The following PHLDB1 variants were observed in gnomAD, a reference collection of about 807,000 sequenced individuals.
The protein encoded by PHLDB1 is pleckstrin homology-like domain family B member 1.
Under a neutral mutation model 139.3 loss-of-function variants are expected in PHLDB1, and 65 were observed. That is an observed-to-expected ratio of 0.47 (90% confidence interval 0.38 to 0.57). The LOEUF (loss-of-function observed/expected upper bound fraction) is 0.57. PHLDB1 is among the 20% of genes least tolerant of loss of function. The probability of loss-of-function intolerance (pLI) is 0.00; values close to 1 mark genes in which losing one functional copy is unlikely to be tolerated. For synonymous variants in PHLDB1, 679 were observed against 734.5 expected, an observed-to-expected ratio of 0.92 and a Z score of 1.22; for missense variants, 1,624 against 1,839.7, an observed-to-expected ratio of 0.88 and a Z score of 2.14.
At chr11:118,628,806 T>C (rs143584445) in intron 6 of PHLDB1, among the ~76,000 whole-genome samples, 156 bp downstream of exon 6, 182 of 152,394 alleles carry the variant, frequency 1.2e-3, no homozygotes, top group African/African-American at 4.0e-3. Context: ...CAATATCTTA[T>C]GGTTCTGGTG....
chr11:118,635,973 A>G (rs1945575333), intron 10 of PHLDB1, among the ~76,000 whole-genome samples: 2 of 152,142 alleles, frequency 1.3e-5, no homozygotes, highest in Admixed American at 6.5e-5. Context: ...AAGGGCATTC[A>G]TTTCGGTTCC....
Position 118,627,796 on chromosome 11 carries a change from C to T in PHLDB1, c.973C>T (p.Pro325Ser). The T allele has an allele frequency of 1.9e-6, 3 of 1,605,190 alleles. No homozygotes were observed. The highest frequency in any genetic ancestry group is 2.5e-6 in the Non-Finnish European group (3 of 1,179,584). ...RKGGHERPPS[P>S]GLRGLLTDSP... Reference sequence around the variant, plus strand: ...AGGGGGCCATGAGAGGCCTCCCAGCCCTGGCCTCCGGGGTCTGCTGACAGA... The same window carrying T: ...AGGGGGCCATGAGAGGCCTCCCAGCTCTGGCCTCCGGGGTCTGCTGACAGA... The change falls in exon 6 of 23, where the codon CCT becomes TCT. Residue 325 changes from proline to serine, a missense_variant. Pro to Ser is a moderately conservative substitution (Grantham distance 74, BLOSUM62 -1). Coordinates refer to ENST00000600882, the MANE Select transcript of PHLDB1 (RefSeq NM_001144758.3).
upstream of PHLDB1, chr11:118,606,511 A>C (rs45496391): frequency 0.014 from 2,191 of 152,434 alleles, 30 homozygotes; most frequent in Middle Eastern, 0.048. Context: ...TATCCACCCC[A>C]GCTGGAATTT....
intron 1 of PHLDB1, among the ~76,000 whole-genome samples, chr11:118,609,171 TCA>T (rs1340816546): frequency 1.1e-5 from 1 of 90,754 alleles, no homozygotes; most frequent in East Asian, 3.6e-4. Context: ...AAGCAGCCCG[TCA>T]CACACACAGC....
At position 118,644,508 on chromosome 11, in the gene PHLDB1, G is replaced by T. The variant is rs1177696621; in HGVS notation, c.3121+334G>T. The T allele has an allele frequency of 6.6e-6, 3 of 456,756 alleles. No individual in the cohort carries two copies. In the Admixed American group the frequency reaches 1.1e-4, roughly 16 times the overall value. 28.3% of individuals were successfully genotyped at this position (456,756 alleles called of 1,614,324 possible). A position where few individuals can be genotyped will look rare whatever the true frequency, so the allele number is the denominator to read the frequency against. On this transcript the variant is annotated intron_variant, in intron 15 of 22. Transcript: ENST00000600882. ...ATGACTTCTAGAAATGGTTGCCTGA[G>T]ATATTGGCTCTGGGGACCCAGGAGT...
chr11:118,613,533 C>A, intron 1 of PHLDB1: 1 of 871,440 alleles, frequency 1.1e-6, no homozygotes, highest in Non-Finnish European at 1.5e-6. Context: ...TAGCATAGGG[C>A]AAGAAAGCAC....
rs191680848 is a variant in PHLDB1 at position 118,623,454 on chromosome 11, C to A, written c.356-1480C>A. Among the ~76,000 whole-genome samples, 304 of 152,202 alleles carry A rather than the reference C, an allele frequency of 2.0e-3. 3 individuals carry two copies. The highest frequency in any genetic ancestry group is 6.8e-3 in the Middle Eastern group (2 of 294). ...GCTACATTTTCCAGCTCCCACATGC[C>A]CTCCCCCTCCAGGTACTCACACTTC... On this transcript the variant is annotated intron_variant, in intron 4 of 22. Coordinates refer to ENST00000600882, the MANE Select transcript of PHLDB1 (RefSeq NM_001144758.3).
At chr11:118,646,110 A>C (rs1342607419) in intron 17 of PHLDB1, among the ~76,000 whole-genome samples, 1 of 152,074 alleles carries the variant, frequency 6.6e-6, no homozygotes, top group African/African-American at 2.4e-5. Context: ...AATACAAAAA[A>C]TTAGCTGGGC....
In PHLDB1 at chr11:118,650,437, C is replaced by T. The variant is rs781890162; in HGVS notation, c.3772-8C>T. The T allele has an allele frequency of 1.3e-6, 2 of 1,598,618 alleles. No individual in the cohort carries two copies. Among genetic ancestry groups the T allele is most frequent in the Non-Finnish European group, 1.7e-6 (2 of 1,165,810 alleles). ...TTTGGGTCCTTCCTTACTCCTGCTT[C>T]CTACCAGGTCTGCCGTGGCTACTTG... On this transcript the variant is annotated splice_polypyrimidine_tract_variant and splice_region_variant and intron_variant, in intron 19 of 22. Transcript: ENST00000600882. The surrounding 1 kb of genome is among the most constrained non-coding windows in gnomAD (Gnocchi z 4.7).
Position 118,631,399 on chromosome 11 carries a change from C to A in PHLDB1, c.2020C>A (p.Arg674Ser). Residue 674 changes from arginine to serine, a missense_variant, in exon 7 of 23, where the codon CGC becomes AGC. Arg to Ser is a moderately radical substitution (Grantham distance 110). Coordinates refer to ENST00000600882, the MANE Select transcript of PHLDB1 (RefSeq NM_001144758.3). ...CGAGGAGCCTGGCGTTGCCACCCAACGCCTATGGGAGAGTATGGAGCGCTC... is the reference window on the plus strand; with the variant it reads ...CGAGGAGCCTGGCGTTGCCACCCAAAGCCTATGGGAGAGTATGGAGCGCTC... ...SSEEPGVATQ[R>S]LWESMERSDE... is the part of the protein sequence containing the mutation. 6.7e-7 allele frequency: 1 copy of A among 1,497,326 alleles called. No homozygotes were observed. Among genetic ancestry groups the A allele is most frequent in the Non-Finnish European group, 8.9e-7 (1 of 1,123,798 alleles). The allele number at this position is 1,497,326 out of a possible 1,614,324, so 92.8% of individuals were successfully genotyped here.
Position 118,639,195 on chromosome 11 carries a change from T to C in PHLDB1, c.2680T>C (p.Tyr894His), listed in dbSNP as rs782504405. ...KEKLTVLERR[Y>H]HSLTGGRPFP... ...GAAGCTGACTGTGCTGGAAAGGAGA[T>C]ACCACTCACTCACAGGGGGCAGGCC... Residue 894 changes from tyrosine (Y) to histidine (H), a missense_variant, in exon 12 of 23, where the codon TAC becomes CAC. By Grantham distance (83) the Tyr-to-His change is moderately conservative. Coordinates refer to ENST00000600882, the MANE Select transcript of PHLDB1 (RefSeq NM_001144758.3). The C allele has an allele frequency of 1.2e-6, 2 of 1,614,010 alleles. No homozygotes were observed. Among genetic ancestry groups the C allele is most frequent in the African/African-American group, 2.7e-5 (2 of 74,926 alleles).
At chr11:118,653,630 C>T (rs966475038) in intron 20 of PHLDB1, 4 of 152,176 alleles carry the variant, frequency 2.6e-5, no homozygotes, top group African/African-American at 7.2e-5. Flanking sequence ...CTGTATTTTC[C>T]TCACTGTGAG....
chr11:118,657,125 T>G lies in PHLDB1; in HGVS notation c.*302T>G. ...TTCTAAAAGACAAATTATGGTACCATAAGCTGCCAAAGATCCCCTCCTGCC... is the reference window on the plus strand; with the variant it reads ...TTCTAAAAGACAAATTATGGTACCAGAAGCTGCCAAAGATCCCCTCCTGCC... On this transcript the variant is annotated 3_prime_UTR_variant, in exon 23 of 23. Transcript: ENST00000600882. The G allele has an allele frequency of 4.1e-5, 9 of 219,650 alleles. No individual in the cohort carries two copies. The highest frequency in any genetic ancestry group is 5.5e-5 in the Non-Finnish European group (6 of 109,714). The allele number at this position is 219,650 out of a possible 1,614,324, so 13.6% of individuals were successfully genotyped here. A position where few individuals can be genotyped will look rare whatever the true frequency, so the allele number is the denominator to read the frequency against.
chr11:118,649,987 G>A, intron 18 of PHLDB1, 90 bp from the exon 19 acceptor site: 1 of 925,026 alleles, frequency 1.1e-6, no homozygotes, highest in Non-Finnish European at 1.8e-6. Context: ...ATGTCAGGCT[G>A]TTGGGGTTTA....
chr11:118,622,795 G>A (rs1943086094), intron 4 of PHLDB1, among the ~76,000 whole-genome samples: 1 of 152,208 alleles, frequency 6.6e-6, no homozygotes, highest in Admixed American at 6.5e-5. Context: ...AACAGCTGTG[G>A]TTGTAATTAG....
Position 118,645,651 on chromosome 11 carries a change from G to C in PHLDB1, c.3416+1G>C. The C allele has an allele frequency of 6.2e-7, 1 of 1,613,550 alleles. No individual in the cohort carries two copies. The highest frequency in any genetic ancestry group is 8.5e-7 in the Non-Finnish European group (1 of 1,179,644). On this transcript the variant is annotated splice_donor_variant, in intron 16 of 22. Transcript: ENST00000600882. LOFTEE classifies it high-confidence loss of function. This position sits in a 1 kb window ranked among gnomAD's most constrained non-coding sequence, Gnocchi z 5.1. ...CCTGCTCCCCTGACAACATGTCCAG[G>C]TACACCCGACGCCTGGGCCCGCAGC...
chr11:118,611,832 A>AAT lies in PHLDB1; in HGVS notation c.-21-1983_-21-1982insTA, dbSNP rs1555084305. 1.3e-3 allele frequency among the ~76,000 whole-genome samples: 188 copies of AAT among 147,076 alleles called. 1 individual carries two copies. The highest frequency in any genetic ancestry group is 4.3e-3 in the African/African-American group (171 of 39,356). On this transcript the variant is annotated intron_variant, in intron 1 of 22. Transcript: ENST00000600882. The surrounding 1 kb of genome is among the most constrained non-coding windows in gnomAD (Gnocchi z 4.7). ...AAACTCCGTCTCAAAAAAAAAAAAA[A>AAT]AATAATAATAATAATAATAAATGGC...
chr11:118,614,061 G>A (rs1474146540), intron 2 of PHLDB1, among the ~76,000 whole-genome samples, 165 bp downstream of exon 2: 1 of 152,120 alleles, frequency 6.6e-6, no homozygotes, highest in East Asian at 1.9e-4. Flanking sequence ...TCTGAATCAG[G>A]TTAATTGGTT....
Position 118,628,185 on chromosome 11 carries a change from G to T in PHLDB1, c.1362G>T (p.Met454Ile), listed in dbSNP as rs782439715. ...TGGGCCGGCGGGGCCTGGACAGTATGCGAGAACTACCCCCCTTAAGTCCAT... is the reference window on the plus strand; with the variant it reads ...TGGGCCGGCGGGGCCTGGACAGTATTCGAGAACTACCCCCCTTAAGTCCAT... ...PRLGRRGLDS[M>I]RELPPLSPSL... The change falls in exon 6 of 23, where the codon ATG becomes ATT. Residue 454 changes from methionine (M) to isoleucine (I), a missense_variant. Physicochemically the swap from Met to Ile is conservative, Grantham distance 10 (BLOSUM62 1). Coordinates refer to ENST00000600882, the MANE Select transcript of PHLDB1 (RefSeq NM_001144758.3). 6.2e-7 allele frequency: 1 copy of T among 1,614,082 alleles called. No homozygotes were observed. The highest frequency in any genetic ancestry group is 2.2e-5 in the East Asian group (1 of 44,866).
Sources: allele counts gnomAD v4.1 joint callset (sites outside exome capture counted in the v4.1 genomes callset), GRCh38; gene constraint gnomAD v4.1.1; non-coding constraint Gnocchi (gnomAD v3.1); transcripts MANE v1.5; gene names NCBI Gene and HGNC (gene_info 2026-07-23, HGNC 2026-07-21).